CDH5: variants seen among roughly 807,000 people sequenced by gnomAD.
CDH5 encodes the protein cadherin-5.
Under a neutral mutation model 62.0 loss-of-function variants are expected in CDH5, and 28 were observed. That is an observed-to-expected ratio of 0.45 (90% CI 0.33 to 0.62). The LOEUF (loss-of-function observed/expected upper bound fraction) is 0.62, where lower values mean the gene tolerates loss of function less well. CDH5 is among the 20% of genes least tolerant of loss of function. CDH5 has a pLI of 0.02. For missense variants in CDH5, 940 were observed against 1,065.1 expected, an observed-to-expected ratio of 0.88 and a Z score of 1.63; for synonymous variants, 464 against 445.8, an observed-to-expected ratio of 1.04 and a Z score of -0.52.
rs778131640 is a variant in CDH5 at position 66,402,682 on chromosome 16, G to A, written c.1868G>A (p.Arg623Gln). Residue 623 changes from arginine (R) to glutamine (Q), a missense_variant, in exon 12 of 12, where the codon CGG (arginine) becomes CAG (glutamine). Coordinates refer to ENST00000341529, the MANE Select transcript of CDH5 (RefSeq NM_001795.5). ...ACCCTGCTCATCTTCCTGCGGCGGC[G>A]GCTCCGGAAGCAGGCCCGCGCGCAC... ...VITLLIFLRR[R>Q]LRKQARAHGK... 14 of 1,604,680 alleles carry A rather than the reference G, an allele frequency of 8.7e-6. No individual in the cohort carries two copies. In the South Asian group the frequency reaches 1.0e-4, roughly 11 times the overall value.
At chr16:66,397,910 T>C in intron 8 of CDH5, 72 bp from the exon 9 acceptor site, 1 of 1,600,406 alleles carries the variant, frequency 6.2e-7, no homozygotes. Context: ...GCAGCCCTCC[T>C]TCCACACATC....
rs1596930583 is a variant in CDH5, at chr16:66,379,398, G to A, written c.61G>A (p.Ala21Thr). Reference sequence around the variant, plus strand: ...CGCCTGCCTGGGCCTGCTGGCAGTGGCAGCAGTGGCAGCAGCAGGTGCTAA... The same window carrying A: ...CGCCTGCCTGGGCCTGCTGGCAGTGACAGCAGTGGCAGCAGCAGGTGCTAA... ...SGACLGLLAVAAVAAAGANPA... is the reference protein window; with the variant it reads ...SGACLGLLAVTAVAAAGANPA... Residue 21 changes from alanine (A) to threonine (T), a missense_variant, in exon 2 of 12, where the codon GCA (alanine) becomes ACA (threonine). Physicochemically the swap from Ala to Thr is moderately conservative, Grantham distance 58 (BLOSUM62 0). Coordinates refer to ENST00000341529, the MANE Select transcript of CDH5 (RefSeq NM_001795.5). 2 of 1,613,604 alleles carry A rather than the reference G, an allele frequency of 1.2e-6. No individual in the cohort carries two copies. Among genetic ancestry groups the A allele is most frequent in the East Asian group, 2.2e-5 (1 of 44,888 alleles).
chr16:66,389,057 A>T (rs969786609), intron 4 of CDH5, among the ~76,000 whole-genome samples: 2 of 152,254 alleles, frequency 1.3e-5, no homozygotes, highest in African/African-American at 4.8e-5. Context: ...CAGTGCACCA[A>T]GGCAGACATC....
intron 11 of CDH5, 90 bp downstream of exon 11, chr16:66,401,106 A>G: frequency 1.3e-6 from 2 of 1,555,616 alleles, no homozygotes; most frequent in Admixed American, 3.5e-5. Context: ...GGAAAAGTAG[A>G]GGCCAGAGGT....
intron 11 of CDH5, among the ~76,000 whole-genome samples, chr16:66,401,710 T>C (rs969101319): frequency 2.6e-5 from 4 of 152,210 alleles, no homozygotes; most frequent in African/African-American, 7.2e-5. Context: ...CGTGAGGAAC[T>C]GGAGCCTCCT....
rs375411367 is a variant in CDH5, at chr16:66,402,977, C to T, written c.2163C>T (p.Asp721=). 33 of 1,613,104 alleles carry T rather than the reference C, an allele frequency of 2.0e-5. No individual in the cohort carries two copies. In the African/African-American group the frequency reaches 3.5e-4, roughly 17 times the overall value. Residue 721 remains aspartate, a synonymous_variant, in exon 12 of 12, where the codon GAC becomes GAT. Coordinates refer to ENST00000341529, the MANE Select transcript of CDH5 (RefSeq NM_001795.5). ...VKKDEADHDG[D]GPPYDTLHIY... is the part of the protein sequence containing the mutation. ...AGGACGAGGCGGACCACGACGGCGA[C>T]GGCCCCCCCTACGACACGCTGCACA...
Position 66,392,162 on chromosome 16 carries a change from A to G in CDH5, c.996A>G (p.Gln332=), listed in dbSNP as rs1415900910. 2 of 1,614,024 alleles carry G rather than the reference A, an allele frequency of 1.2e-6. No individual in the cohort carries two copies. The highest frequency in any genetic ancestry group is 1.3e-5 in the African/African-American group (1 of 74,900). ...CTCTGGATTATGAATACATCCAGCA[A>G]TACAGCTTCATCGTCGAGGCCACAG... ...MKPLDYEYIQ[Q]YSFIVEATDP... The change falls in exon 7 of 12, where the codon CAA becomes CAG. Residue 332 remains glutamine (Q), a synonymous_variant. Coordinates refer to ENST00000341529, the MANE Select transcript of CDH5 (RefSeq NM_001795.5).
chr16:66,398,000 A>G lies in CDH5; in HGVS notation c.1379A>G (p.Glu460Gly). The G allele has an allele frequency of 2.5e-6, 4 of 1,614,196 alleles. No individual in the cohort carries two copies. The highest frequency in any genetic ancestry group is 3.4e-6 in the Non-Finnish European group (4 of 1,180,042). ...LDSTGTPTGK[E>G]SIVQVHIEVL... ...CCTGCAGGAACCCCCACAGGAAAAG[A>G]ATCCATTGTGCAAGTCCACATTGAA... The change falls in exon 9 of 12, where the codon GAA becomes GGA. Residue 460 changes from glutamate to glycine, a missense_variant. By Grantham distance (98) the Glu-to-Gly change is moderately conservative. Coordinates refer to ENST00000341529, the MANE Select transcript of CDH5 (RefSeq NM_001795.5).
intron 1 of CDH5, 114 bp downstream of exon 1, chr16:66,366,872 A>T (rs548751086): frequency 6.6e-6 from 1 of 152,426 alleles, no homozygotes; most frequent in Admixed American, 6.5e-5. Flanking sequence ...CTCCCATGAC[A>T]GAGAGGCTCC....
At chr16:66,396,862 G>A (rs563797015) in intron 8 of CDH5, among the ~76,000 whole-genome samples, 18 of 152,084 alleles carry the variant, frequency 1.2e-4, no homozygotes, top group Non-Finnish European at 1.8e-4. Flanking sequence ...GATCCCTGGC[G>A]CCTGCCGGGC....
chr16:66,397,996 A>G lies in CDH5; in HGVS notation c.1375A>G (p.Lys459Glu), dbSNP rs763601200. ...ELDSTGTPTG[K>E]ESIVQVHIEV... The stretch of plus-strand genomic sequence containing the variant: ...CTCCCCTGCAGGAACCCCCACAGGA[A>G]AAGAATCCATTGTGCAAGTCCACAT... The change falls in exon 9 of 12, where the codon AAA becomes GAA. Residue 459 changes from lysine to glutamate, a missense_variant. By Grantham distance (56) the Lys-to-Glu change is moderately conservative. Coordinates refer to ENST00000341529, the MANE Select transcript of CDH5 (RefSeq NM_001795.5). The G allele has an allele frequency of 1.2e-6, 2 of 1,614,218 alleles. No homozygotes were observed. Among genetic ancestry groups the G allele is most frequent in the South Asian group, 2.2e-5 (2 of 91,088 alleles).
rs1429186091 is a variant in CDH5, at chr16:66,397,664, TTTA to T, written c.1361-313_1361-311del. On this transcript the variant is annotated intron_variant, in intron 8 of 11. Coordinates refer to ENST00000341529, the MANE Select transcript of CDH5 (RefSeq NM_001795.5). ...ACCTTTTCAATTCTTTTATGATTAA[TTTA>T]TTATGTTTTATGTATTTAATCAAAT... 2.0e-5 allele frequency among the ~76,000 whole-genome samples: 3 copies of T among 152,214 alleles called. No individual in the cohort carries two copies. In the East Asian group the frequency reaches 5.8e-4, roughly 29 times the overall value.
At chr16:66,387,291 A>G (rs1254284447) in intron 3 of CDH5, among the ~76,000 whole-genome samples, 194 bp downstream of exon 3, 1 of 152,248 alleles carries the variant, frequency 6.6e-6, no homozygotes. Context: ...CCACAGGCTG[A>G]GCTCTGACCC....
chr16:66,397,915 C>T, intron 8 of CDH5, 67 bp from the exon 9 acceptor site: 1 of 1,604,076 alleles, frequency 6.2e-7, no homozygotes, highest in Admixed American at 1.7e-5. Flanking sequence ...CCTCCTTCCA[C>T]ACATCTTCCA....
chr16:66,396,799 C>T (rs1337186578), intron 8 of CDH5, among the ~76,000 whole-genome samples: 1 of 152,174 alleles, frequency 6.6e-6, no homozygotes, highest in African/African-American at 2.4e-5. Context: ...CACAATCACC[C>T]TCCAGGAGAA....
At chr16:66,376,956 C>T (rs1016500887) in intron 1 of CDH5, among the ~76,000 whole-genome samples, 4 of 152,198 alleles carry the variant, frequency 2.6e-5, no homozygotes, top group Admixed American at 6.5e-5. Flanking sequence ...AGAGCCTGGG[C>T]GCTCACCCTG....
chr16:66,379,805 G>C (rs1360274123), intron 2 of CDH5, among the ~76,000 whole-genome samples: 1 of 152,010 alleles, frequency 6.6e-6, no homozygotes, highest in East Asian at 1.9e-4. Flanking sequence ...GGTGGGAGTG[G>C]TGAGAATGGT....
chr16:66,381,955 G>A (rs778299608), intron 2 of CDH5, among the ~76,000 whole-genome samples: 1 of 152,234 alleles, frequency 6.6e-6, no homozygotes, highest in Non-Finnish European at 1.5e-5. Context: ...GGCAGCATAT[G>A]TCAGACAAAG....
chr16:66,399,629 T>A (rs909413739), intron 10 of CDH5, among the ~76,000 whole-genome samples: 1 of 152,062 alleles, frequency 6.6e-6, no homozygotes, highest in Non-Finnish European at 1.5e-5. Flanking sequence ...TAGAAGTAAA[T>A]AATGTGGCAA....
Sources: gnomAD v4.1 joint callset for allele counts (sites outside exome capture counted in the v4.1 genomes callset) on GRCh38, gnomAD v4.1.1 for gene constraint, MANE v1.5 for transcripts, NCBI Gene and HGNC (gene_info 2026-07-23, HGNC 2026-07-21) for gene names.